The following SMAD1 variants were observed in gnomAD, a reference collection of about 807,000 sequenced individuals.
The protein encoded by SMAD1 is MAD, mothers against decapentaplegic homolog 1.
Under a neutral mutation model 41.6 loss-of-function variants are expected in SMAD1, and 6 were observed. The ratio of observed to expected loss-of-function variants is 0.14; its 90% CI spans 0.08 to 0.28. The LOEUF (loss-of-function observed/expected upper bound fraction) is 0.28, where lower values mean the gene tolerates loss of function less well. Ranked by LOEUF, SMAD1 falls within the 10% of genes least tolerant of loss-of-function variation. The probability of loss-of-function intolerance (pLI) is 1.00; values close to 1 mark genes in which losing one functional copy is unlikely to be tolerated. For missense variants in SMAD1, 379 were observed against 582.6 expected, an observed-to-expected ratio of 0.65 and a Z score of 3.60; for synonymous variants, 206 against 203.2, an observed-to-expected ratio of 1.01 and a Z score of -0.12.
chr4:145,515,853 C>T (rs1395993678), intron 2 of SMAD1, among the ~76,000 whole-genome samples: 1 of 152,080 alleles, frequency 6.6e-6, no homozygotes, highest in Non-Finnish European at 1.5e-5. Flanking sequence ...CATGGCTCTC[C>T]TCCCAGAAAT....
In SMAD1 at chr4:145,536,008, G is replaced by A. The variant is rs74929760; in HGVS notation, c.401-3796G>A. Among the ~76,000 whole-genome samples, 578 of 151,058 alleles carry A rather than the reference G, an allele frequency of 3.8e-3. 5 individuals are homozygous for A. Among genetic ancestry groups the A allele is most frequent in the Middle Eastern group, 0.017 (5 of 292 alleles). On this transcript the variant is annotated intron_variant, in intron 2 of 6. Coordinates refer to ENST00000302085, the MANE Select transcript of SMAD1 (RefSeq NM_005900.3). The stretch of plus-strand genomic sequence containing the variant: ...CCAAAAAAAAAAAAAAAATTAAAGA[G>A]AATAAACCCAAAACTTGTCTTAGTA...
intron 2 of SMAD1, among the ~76,000 whole-genome samples, chr4:145,521,548 T>A (rs970380550): frequency 6.6e-6 from 1 of 152,230 alleles, no homozygotes; most frequent in African/African-American, 2.4e-5. Context: ...ATGCATGTTT[T>A]CACTCTTTGG....
intron 1 of SMAD1, among the ~76,000 whole-genome samples, chr4:145,489,593 AAT>A (rs1306796421): frequency 6.6e-6 from 1 of 152,256 alleles, no homozygotes; most frequent in Non-Finnish European, 1.5e-5. Context: ...CTGGAAAACT[AAT>A]AAAGATGTTA....
chr4:145,505,863 G>A (rs1165748858), intron 1 of SMAD1, among the ~76,000 whole-genome samples: 1 of 140,724 alleles, frequency 7.1e-6, no homozygotes, highest in Non-Finnish European at 1.5e-5. Context: ...TTTTTTTTTT[G>A]AGGCGGAGTC....
At chr4:145,552,843 A>G (rs11946962) in intron 5 of SMAD1, among the ~76,000 whole-genome samples, 26,406 of 152,094 alleles carry the variant, frequency 0.17, 5,055 homozygotes, top group African/African-American at 0.47. Context: ...TATACTTTCA[A>G]TGTGTGGCCA....
At chr4:145,480,932 T>TG (rs1275602626), upstream of SMAD1, among the ~76,000 whole-genome samples, 1 of 150,814 alleles carries the variant, frequency 6.6e-6, no homozygotes, top group Non-Finnish European at 1.5e-5. Flanking sequence ...TTTTTTTTTT[T>TG]TTTTGCTTCA....
At chr4:145,531,820 T>C (rs1439882330) in intron 2 of SMAD1, among the ~76,000 whole-genome samples, 2 of 151,898 alleles carry the variant, frequency 1.3e-5, no homozygotes, top group African/African-American at 4.8e-5. Flanking sequence ...TTGTGTCCGT[T>C]ACTTCTTTTT....
At chr4:145,500,377 T>C (rs999907019) in intron 1 of SMAD1, among the ~76,000 whole-genome samples, 3 of 152,138 alleles carry the variant, frequency 2.0e-5, no homozygotes, top group Middle Eastern at 3.2e-3. Flanking sequence ...TCATCTCTCA[T>C]TTCTCTCCCC....
intron 2 of SMAD1, among the ~76,000 whole-genome samples, chr4:145,529,412 A>G (rs138442870): frequency 2.0e-5 from 3 of 152,312 alleles, no homozygotes; most frequent in Admixed American, 1.3e-4. Flanking sequence ...AGGTTTGACA[A>G]ACTGCTGTGT....
At chr4:145,552,229 C>G (rs755906488) in intron 5 of SMAD1, among the ~76,000 whole-genome samples, 1 of 152,160 alleles carries the variant, frequency 6.6e-6, no homozygotes, top group Non-Finnish European at 1.5e-5. Flanking sequence ...AAATTGTTTT[C>G]TCTATATCAG....
chr4:145,515,168 G>GTC (rs1054922463), intron 2 of SMAD1, among the ~76,000 whole-genome samples, 155 bp downstream of exon 2: 2 of 151,250 alleles, frequency 1.3e-5, no homozygotes, highest in Non-Finnish European at 2.9e-5. Context: ...GTGTGTGTGT[G>GTC]TGTGTGTGTC....
chr4:145,489,512 G>T (rs1426232993), intron 1 of SMAD1, among the ~76,000 whole-genome samples: 5 of 152,118 alleles, frequency 3.3e-5, no homozygotes, highest in Admixed American at 1.3e-4. Context: ...TGAAGGCTTG[G>T]TGATTATGTG....
chr4:145,527,268 G>C (rs1483964837), intron 2 of SMAD1, among the ~76,000 whole-genome samples: 1 of 150,682 alleles, frequency 6.6e-6, no homozygotes, highest in Non-Finnish European at 1.5e-5. Context: ...CTGTCGCCCA[G>C]GCTGGAGTGC....
chr4:145,500,891 T>G (rs185895676), intron 1 of SMAD1, among the ~76,000 whole-genome samples: 1 of 152,370 alleles, frequency 6.6e-6, no homozygotes, highest in Non-Finnish European at 1.5e-5. Context: ...TTCATGTTTA[T>G]ATTTAATCTG....
intron 2 of SMAD1, among the ~76,000 whole-genome samples, chr4:145,537,977 G>A (rs1333746085): frequency 2.0e-5 from 3 of 152,216 alleles, no homozygotes; most frequent in Non-Finnish European, 4.4e-5. Context: ...TGTTGTGAGA[G>A]GGAGGGGTCC....
intron 1 of SMAD1, among the ~76,000 whole-genome samples, chr4:145,505,156 AAGT>A (rs1414099223): frequency 6.6e-6 from 1 of 152,166 alleles, no homozygotes; most frequent in Non-Finnish European, 1.5e-5. Context: ...GGTTAGAAAA[AAGT>A]AGTTTGTTTT....
intron 2 of SMAD1, among the ~76,000 whole-genome samples, chr4:145,517,756 G>A (rs1426607453): frequency 1.3e-5 from 1 of 77,960 alleles, no homozygotes; most frequent in Admixed American, 1.1e-4. Flanking sequence ...CTGATACAAG[G>A]TGAAAAGTTA....
intron 5 of SMAD1, among the ~76,000 whole-genome samples, chr4:145,547,944 C>T (rs1286843108): frequency 6.6e-6 from 1 of 152,158 alleles, no homozygotes; most frequent in Non-Finnish European, 1.5e-5. Flanking sequence ...TAGCAATAAG[C>T]ACATCTAGTG....
chr4:145,481,658 C>T (rs1728174599), upstream of SMAD1: 3 of 154,084 alleles, frequency 1.9e-5, no homozygotes, highest in African/African-American at 7.2e-5. Flanking sequence ...GCGCCGTCCT[C>T]CGGCCCCGGC....
Sources: allele counts gnomAD v4.1 joint callset (sites outside exome capture counted in the v4.1 genomes callset), GRCh38; gene constraint gnomAD v4.1.1; transcripts MANE v1.5; gene names NCBI Gene and HGNC (gene_info 2026-07-23, HGNC 2026-07-21).